The following PRKN variants were observed in gnomAD, a reference collection of about 807,000 sequenced individuals.
The protein encoded by PRKN is parkin RBR E3 ubiquitin protein ligase.
In PRKN, 56 loss-of-function variants were observed where a neutral mutation model predicts 59.5. That is an observed-to-expected ratio of 0.94 (90% CI 0.76 to 1.18). The LOEUF is 1.18. PRKN is among the 50% of genes most tolerant of loss of function. The probability of loss-of-function intolerance (pLI) is 0.00; values close to 1 mark genes in which losing one functional copy is unlikely to be tolerated. For missense variants in PRKN, 657 were observed against 596.4 expected (o/e 1.10, Z -1.06); for synonymous variants, 250 against 222.1 (o/e 1.13, Z -1.12).
At chr6:162,723,409 A>G (rs1779009352) in intron 1 of PRKN, among the ~76,000 whole-genome samples, 1 of 152,220 alleles carries the variant, frequency 6.6e-6, no homozygotes, top group African/African-American at 2.4e-5. Flanking sequence ...AAGGGAGGGC[A>G]GGGCCACCAA....
intron 1 of PRKN, among the ~76,000 whole-genome samples, chr6:162,526,599 G>C (rs904453191): frequency 6.7e-6 from 1 of 150,166 alleles, no homozygotes; most frequent in Non-Finnish European, 1.5e-5. Context: ...GCAGTGAGCC[G>C]AGATCGCGCT....
intron 1 of PRKN, among the ~76,000 whole-genome samples, chr6:162,516,135 T>G (rs77884815): frequency 6.6e-6 from 1 of 152,180 alleles, no homozygotes; most frequent in Admixed American, 6.5e-5. Context: ...GATCCTTCTC[T>G]GATCCTTCCC....
rs535128018 is a variant in PRKN at position 162,461,109 on chromosome 6, T to C, written c.8-17636A>G. 4.6e-5 allele frequency among the ~76,000 whole-genome samples: 7 copies of C among 152,094 alleles called. 1 individual carries two copies. In the South Asian group the frequency reaches 1.2e-3, roughly 27 times the overall value. On this transcript the variant is annotated intron_variant, in intron 1 of 11. Coordinates refer to ENST00000366898, the MANE Select transcript of PRKN (RefSeq NM_004562.3). ...TACAAAAATGAATAACACAGCCTGG[T>C]GACAGAGATATTACAACAGAATTAT...
intron 6 of PRKN, among the ~76,000 whole-genome samples, chr6:161,898,609 G>T (rs373849961): frequency 6.6e-6 from 1 of 152,192 alleles, no homozygotes; most frequent in Non-Finnish European, 1.5e-5. Flanking sequence ...CAAAGCTAAA[G>T]TTGCGGGCAT....
intron 2 of PRKN, among the ~76,000 whole-genome samples, chr6:162,439,340 TTCTCTCTCTCTC>T (rs35631679): frequency 5.9e-5 from 8 of 134,750 alleles, no homozygotes; most frequent in Admixed American, 3.8e-4. Flanking sequence ...TACCCCTCCC[TTCTCTCTCTCTC>T]TCTCTCTCTC....
intron 2 of PRKN, among the ~76,000 whole-genome samples, chr6:162,384,486 C>G (rs1317974380): frequency 6.6e-6 from 1 of 151,924 alleles, no homozygotes; most frequent in South Asian, 2.1e-4. Flanking sequence ...ACAATAAGAT[C>G]AAAGATCACC....
chr6:162,372,813 A>C (rs1437685356), intron 2 of PRKN, among the ~76,000 whole-genome samples: 1 of 152,224 alleles, frequency 6.6e-6, no homozygotes, highest in African/African-American at 2.4e-5. Context: ...TGTACCTGAC[A>C]CTAAAGCCCG....
chr6:162,547,793 G>A (rs1010663684), intron 1 of PRKN, among the ~76,000 whole-genome samples: 1 of 151,926 alleles, frequency 6.6e-6, no homozygotes, highest in African/African-American at 2.4e-5. Flanking sequence ...TGTTGGCCAG[G>A]GTGGTCTTGA....
Position 161,470,835 on chromosome 6 carries a change from T to A in PRKN, c.1083+78019A>T, listed in dbSNP as rs1790758256. 6.6e-6 allele frequency among the ~76,000 whole-genome samples: 1 copy of A among 152,276 alleles called. No homozygotes were observed. Among genetic ancestry groups the A allele is most frequent in the Non-Finnish European group, 1.5e-5 (1 of 68,016 alleles). ...TAGGGGATGTGGATGAATCTGAGAT[T>A]TGTGGGCTGGGTGTCTGCCTATGTG... On this transcript the variant is annotated intron_variant, in intron 9 of 11. Coordinates refer to ENST00000366898, the MANE Select transcript of PRKN (RefSeq NM_004562.3). This position sits in a 1 kb window ranked among gnomAD's most constrained non-coding sequence, Gnocchi z 5.1.
intron 4 of PRKN, among the ~76,000 whole-genome samples, chr6:162,098,003 A>G (rs1396326623): frequency 2.0e-5 from 3 of 152,196 alleles, no homozygotes; most frequent in Non-Finnish European, 4.4e-5. Context: ...TCAGCATCAC[A>G]TTGCACAACA....
At chr6:162,166,600 C>T (rs1302449049) in intron 4 of PRKN, among the ~76,000 whole-genome samples, 3 of 152,132 alleles carry the variant, frequency 2.0e-5, no homozygotes, top group Non-Finnish European at 4.4e-5. Context: ...GTGAAGTATA[C>T]TCATGTCTCC....
chr6:161,853,909 G>C (rs1420314161), intron 6 of PRKN, among the ~76,000 whole-genome samples: 4 of 152,034 alleles, frequency 2.6e-5, no homozygotes, highest in Non-Finnish European at 4.4e-5. Flanking sequence ...GCTGCAGTGA[G>C]AGACTACTAT....
intron 1 of PRKN, among the ~76,000 whole-genome samples, chr6:162,461,619 AAGACCAGCC>A (rs1233225011): frequency 1.3e-5 from 2 of 151,396 alleles, no homozygotes; most frequent in Admixed American, 1.3e-4. Flanking sequence ...TCAAGAGTTC[AAGACCAGCC>A]TGGCCAACAT....
intron 4 of PRKN, among the ~76,000 whole-genome samples, chr6:162,179,575 G>A (rs146247557): frequency 1.3e-5 from 2 of 152,284 alleles, no homozygotes; most frequent in Non-Finnish European, 2.9e-5. Flanking sequence ...GGTGGCATGA[G>A]GGGACTTTCT....
intron 6 of PRKN, among the ~76,000 whole-genome samples, chr6:161,967,627 C>A (rs1184337527): frequency 6.6e-6 from 1 of 152,168 alleles, no homozygotes; most frequent in African/African-American, 2.4e-5. Context: ...AAAATTCTTA[C>A]TTTCATTAGT....
chr6:162,035,423 A>G (rs1424952694), intron 5 of PRKN, among the ~76,000 whole-genome samples: 1 of 152,192 alleles, frequency 6.6e-6, no homozygotes, highest in Admixed American at 6.5e-5. Flanking sequence ...TTTCTCAGAA[A>G]CTAAAAAATG....
At chr6:162,488,011 TACATCC>T (rs1173926738) in intron 1 of PRKN, among the ~76,000 whole-genome samples, 1 of 145,414 alleles carries the variant, frequency 6.9e-6, no homozygotes, top group Non-Finnish European at 1.5e-5. Context: ...GAACAGACAC[TACATCC>T]ACCATTTCCC....
Position 162,596,968 on chromosome 6 carries a change from CAG to C in PRKN, c.7+130692_7+130693del, listed in dbSNP as rs373921093. On this transcript the variant is annotated intron_variant, in intron 1 of 11. Coordinates refer to ENST00000366898, the MANE Select transcript of PRKN (RefSeq NM_004562.3). ...AAGACACTATACTAGTTCCGGGTTTCAGACACACGTGACCTTCAAGAAATGCA... is the reference window on the plus strand; with the variant it reads ...AAGACACTATACTAGTTCCGGGTTTCACACACGTGACCTTCAAGAAATGCA... Among the ~76,000 whole-genome samples the C allele has an allele frequency of 7.1e-4, 108 of 152,292 alleles. No individual in the cohort carries two copies. In the East Asian group the frequency reaches 0.01, roughly 14 times the overall value.
chr6:161,424,198 A>C (rs1363007155), intron 9 of PRKN, among the ~76,000 whole-genome samples: 1 of 152,174 alleles, frequency 6.6e-6, no homozygotes, highest in African/African-American at 2.4e-5. Context: ...TTAGCTAGGC[A>C]TGATGGTGGG....
Sources: gnomAD v4.1 joint callset for allele counts (sites outside exome capture counted in the v4.1 genomes callset) on GRCh38, gnomAD v4.1.1 for gene constraint, Gnocchi (gnomAD v3.1) non-coding constraint, MANE v1.5 for transcripts, NCBI Gene and HGNC (gene_info 2026-07-23, HGNC 2026-07-21) for gene names.